MDFIC: variants seen among roughly 807,000 people sequenced by gnomAD.
The protein encoded by MDFIC is MyoD family inhibitor domain containing.
MDFIC carries 17 observed loss-of-function variants against 23.2 expected under a neutral mutation model. The observed-to-expected ratio is 0.73, with a 90% CI of 0.50 to 1.10. The LOEUF (loss-of-function observed/expected upper bound fraction) is 1.10, where lower values mean the gene tolerates loss of function less well. Among genes scored for constraint, MDFIC ranks in the 50% least tolerant of loss-of-function variants. The pLI is 0.00. For missense variants in MDFIC, 356 were observed against 316.6 expected, an observed-to-expected ratio of 1.12 and a Z score of -0.95; for synonymous variants, 120 against 115.2, an observed-to-expected ratio of 1.04 and a Z score of -0.27.
chr7:115,013,631 C>G (rs1481143745), intron 4 of MDFIC, among the ~76,000 whole-genome samples: 1 of 152,206 alleles, frequency 6.6e-6, no homozygotes, highest in Non-Finnish European at 1.5e-5. Flanking sequence ...TTGAATAAAA[C>G]TGGCTTGCTG....
At chr7:115,006,709 G>A (rs566028999) in intron 4 of MDFIC, among the ~76,000 whole-genome samples, 1 of 152,090 alleles carries the variant, frequency 6.6e-6, no homozygotes, top group African/African-American at 2.4e-5. Flanking sequence ...AAAACTAGAC[G>A]ATTTACTTGC....
intron 4 of MDFIC, among the ~76,000 whole-genome samples, chr7:115,008,390 T>C (rs1202344498): frequency 6.6e-6 from 1 of 152,142 alleles, no homozygotes; most frequent in South Asian, 2.1e-4. Context: ...TGGTGTTCTT[T>C]GTCCTGCAGT....
intron 3 of MDFIC, among the ~76,000 whole-genome samples, chr7:114,967,070 A>C (rs1793112501): frequency 1.3e-5 from 2 of 152,212 alleles, no homozygotes; most frequent in South Asian, 4.1e-4. Flanking sequence ...TATTCCCAAT[A>C]CTTTTCTTTG....
intron 4 of MDFIC, among the ~76,000 whole-genome samples, chr7:115,012,295 A>G (rs1791697854): frequency 6.6e-6 from 1 of 152,238 alleles, no homozygotes; most frequent in Admixed American, 6.5e-5. Flanking sequence ...ATTTCAAAGA[A>G]GAGAAAACAT....
intron 4 of MDFIC, among the ~76,000 whole-genome samples, chr7:114,997,351 G>A (rs1377083493): frequency 6.6e-6 from 1 of 151,952 alleles, no homozygotes; most frequent in Middle Eastern, 3.2e-3. Context: ...TGAGAGGGGA[G>A]GAGATTCATT....
At chr7:114,930,606 G>A (rs1792290977) in intron 2 of MDFIC, among the ~76,000 whole-genome samples, 1 of 152,086 alleles carries the variant, frequency 6.6e-6, no homozygotes, top group African/African-American at 2.4e-5. Flanking sequence ...GGATCTTGTT[G>A]AGATGATTTC....
intron 4 of MDFIC, among the ~76,000 whole-genome samples, chr7:114,991,613 T>C (rs1292662967): frequency 6.6e-6 from 1 of 152,224 alleles, no homozygotes; most frequent in Non-Finnish European, 1.5e-5. Flanking sequence ...GGGAATCCTT[T>C]CCCCATTTCT....
intron 2 of MDFIC, among the ~76,000 whole-genome samples, chr7:114,927,324 C>T (rs1792212009): frequency 6.8e-5 from 1 of 14,618 alleles, no homozygotes; most frequent in African/African-American, 3.1e-4. Flanking sequence ...TAAAAACAGT[C>T]CTTTTTTTTT....
chr7:114,965,193 G>A (rs1199568311), intron 3 of MDFIC, among the ~76,000 whole-genome samples: 3 of 152,190 alleles, frequency 2.0e-5, no homozygotes, highest in African/African-American at 7.2e-5. Flanking sequence ...CTAGAGGCAT[G>A]AAAAGATTGT....
chr7:114,977,502 G>T (rs1793339168), intron 3 of MDFIC, among the ~76,000 whole-genome samples: 1 of 152,074 alleles, frequency 6.6e-6, no homozygotes, highest in South Asian at 2.1e-4. Flanking sequence ...CACCACCCTG[G>T]TGTGGCTAAC....
At chr7:114,981,800 T>C (rs1793421746) in intron 4 of MDFIC, among the ~76,000 whole-genome samples, 1 of 152,214 alleles carries the variant, frequency 6.6e-6, no homozygotes, top group Non-Finnish European at 1.5e-5. Context: ...GTTCGATATC[T>C]TCATGATTTG....
intron 4 of MDFIC, among the ~76,000 whole-genome samples, chr7:114,994,967 T>C (rs557024386): frequency 0.012 from 1,842 of 152,308 alleles, 19 homozygotes; most frequent in Non-Finnish European, 0.018. Flanking sequence ...CCATTCTCCC[T>C]GTCACTTTCA....
intron 3 of MDFIC, among the ~76,000 whole-genome samples, chr7:114,955,467 C>T (rs548026590): frequency 1.3e-5 from 2 of 152,242 alleles, no homozygotes; most frequent in Non-Finnish European, 2.9e-5. Context: ...TCCTAAAGGA[C>T]TCATTAATTT....
chr7:114,941,235 C>T (rs772975424), intron 2 of MDFIC, among the ~76,000 whole-genome samples: 35 of 152,138 alleles, frequency 2.3e-4, no homozygotes, highest in Non-Finnish European at 4.1e-4. Context: ...CTTCCTAAGG[C>T]GTGGTTCTGA....
chr7:114,983,337 T>C (rs1289917866), intron 4 of MDFIC, among the ~76,000 whole-genome samples: 1 of 152,100 alleles, frequency 6.6e-6, no homozygotes, highest in African/African-American at 2.4e-5. Flanking sequence ...GTTCAGATAA[T>C]GGAATAAAAT....
chr7:114,985,774 T>A (rs1298414871), intron 4 of MDFIC, among the ~76,000 whole-genome samples: 1 of 151,584 alleles, frequency 6.6e-6, no homozygotes, highest in African/African-American at 2.4e-5. Flanking sequence ...AGATACTAGA[T>A]GAGTAGGAAT....
Position 114,954,135 on chromosome 7 carries a change from C to A in MDFIC, c.217+11738C>A, listed in dbSNP as rs536601127. Among the ~76,000 whole-genome samples the A allele has an allele frequency of 3.5e-4, 53 of 152,322 alleles. No individual in the cohort carries two copies. The South Asian group carries it at 0.01, about 30-fold the overall frequency. Reference sequence around the variant, plus strand: ...GCCGTACCTGTTTCACTCATTCCACCCTGCACAACATATTGATATACCTTG... The same window carrying A: ...GCCGTACCTGTTTCACTCATTCCACACTGCACAACATATTGATATACCTTG... On this transcript the variant is annotated intron_variant, in intron 3 of 4. Coordinates refer to ENST00000393486, the MANE Select transcript of MDFIC (RefSeq NM_001166345.3).
At chr7:114,948,055 C>A (rs913396672) in intron 3 of MDFIC, among the ~76,000 whole-genome samples, 2 of 152,038 alleles carry the variant, frequency 1.3e-5, no homozygotes, top group East Asian at 1.9e-4. Context: ...CAACAATAAC[C>A]AGCACATTGA....
chr7:114,966,405 CA>C (rs61377366), intron 3 of MDFIC, among the ~76,000 whole-genome samples: 198 of 121,256 alleles, frequency 1.6e-3, no homozygotes, highest in Admixed American at 2.0e-3. Flanking sequence ...GTCAGGAAAC[CA>C]AAAAAAAAAA....
Sources: gnomAD v4.1 joint callset for allele counts (sites outside exome capture counted in the v4.1 genomes callset) on GRCh38, gnomAD v4.1.1 for gene constraint, MANE v1.5 for transcripts, NCBI Gene and HGNC (gene_info 2026-07-23, HGNC 2026-07-21) for gene names.